Variants in TTC23 observed in about 807,000 individuals in gnomAD.
The protein encoded by TTC23 is tetratricopeptide repeat domain 23, also known as tetratricopeptide repeat protein 23.
Under a neutral mutation model 55.1 loss-of-function variants are expected in TTC23, and 58 were observed. The ratio of observed to expected loss-of-function variants is 1.05; its 90% CI spans 0.85 to 1.31. The LOEUF is 1.31. TTC23 is among the 50% of genes most tolerant of loss of function. The pLI, the probability that TTC23 is intolerant of heterozygous loss-of-function variation, is 0.00. For synonymous variants in TTC23, 203 were observed against 199.9 expected, an observed-to-expected ratio of 1.02 and a Z score of -0.13; for missense variants, 516 against 534.4, an observed-to-expected ratio of 0.97 and a Z score of 0.34.
At chr15:99,139,856 G>A in intron 12 of TTC23, 1 of 861,254 alleles carries the variant, frequency 1.2e-6, no homozygotes, top group South Asian at 1.6e-5. Flanking sequence ...TTAGTTATTA[G>A]GAACCAAATA....
intron 8 of TTC23, among the ~76,000 whole-genome samples, chr15:99,206,528 A>G (rs1236731185): frequency 2.0e-5 from 3 of 152,074 alleles, no homozygotes; most frequent in African/African-American, 7.2e-5. Context: ...TCATAGTTCA[A>G]CTGTAACAGG....
At chr15:99,239,330 CA>C (rs796515834) in intron 3 of TTC23, among the ~76,000 whole-genome samples, 10 of 152,040 alleles carry the variant, frequency 6.6e-5, no homozygotes, top group African/African-American at 2.4e-4. Flanking sequence ...ACTAAAAATA[CA>C]AAAATTAGCC....
chr15:99,180,454 A>G (rs8032154), intron 9 of TTC23, among the ~76,000 whole-genome samples: 67,893 of 152,022 alleles, frequency 0.45, 15,181 homozygotes, highest in Middle Eastern at 0.58. Flanking sequence ...GGGGGAAACC[A>G]CAGATTCCTC....
chr15:99,202,671 C>G (rs938081062), intron 8 of TTC23, among the ~76,000 whole-genome samples: 23 of 152,158 alleles, frequency 1.5e-4, no homozygotes, highest in African/African-American at 5.6e-4. Flanking sequence ...AAGTTAACAC[C>G]AGGTCACCTT....
At chr15:99,237,171 G>A (rs1033420540) in intron 3 of TTC23, among the ~76,000 whole-genome samples, 2 of 151,656 alleles carry the variant, frequency 1.3e-5, no homozygotes, top group Non-Finnish European at 2.9e-5. Flanking sequence ...TAGTAGAGAC[G>A]GGGTTTCACC....
intron 8 of TTC23, among the ~76,000 whole-genome samples, chr15:99,202,505 T>C (rs1361991890): frequency 6.6e-6 from 1 of 152,134 alleles, no homozygotes; most frequent in African/African-American, 2.4e-5. Context: ...AAGAAAACAA[T>C]AACAAGGCAT....
chr15:99,250,397 T>A (rs2152112846), upstream of TTC23, among the ~76,000 whole-genome samples: 1 of 152,312 alleles, frequency 6.6e-6, no homozygotes, highest in South Asian at 2.1e-4. Context: ...TCTCTATGAA[T>A]AATTAAGTCA....
chr15:99,188,003 G>A (rs927727151), intron 9 of TTC23, among the ~76,000 whole-genome samples: 25 of 151,998 alleles, frequency 1.6e-4, no homozygotes, highest in Admixed American at 1.6e-3. Context: ...TTATACCCAA[G>A]AGAAATAAAA....
intron 9 of TTC23, among the ~76,000 whole-genome samples, chr15:99,185,437 T>C (rs916736756): frequency 9.2e-5 from 14 of 152,084 alleles, no homozygotes; most frequent in Non-Finnish European, 1.8e-4. Flanking sequence ...ATTTTCTGGC[T>C]CCAAAGCTGT....
chr15:99,178,679 C>A (rs548282046), intron 9 of TTC23, among the ~76,000 whole-genome samples: 1 of 152,312 alleles, frequency 6.6e-6, no homozygotes, highest in African/African-American at 2.4e-5. Flanking sequence ...ACCCAGCTAA[C>A]TGACTTCCTA....
At chr15:99,227,082 G>C (rs1275257077) in intron 5 of TTC23, among the ~76,000 whole-genome samples, 1 of 152,192 alleles carries the variant, frequency 6.6e-6, no homozygotes, top group African/African-American at 2.4e-5. Context: ...GTTTGAGAAA[G>C]GCTGCCAGCC....
At chr15:99,191,680 T>C (rs1265687156) in intron 9 of TTC23, among the ~76,000 whole-genome samples, 2 of 152,188 alleles carry the variant, frequency 1.3e-5, no homozygotes, top group Non-Finnish European at 2.9e-5. Context: ...TTCTGTAAAT[T>C]GCCCAGTCTC....
intron 11 of TTC23, chr15:99,160,738 G>A (rs925089777): frequency 5.6e-5 from 8 of 142,506 alleles, no homozygotes; most frequent in African/African-American, 2.5e-4. Context: ...ACAGAGGCCG[G>A]GCGCAGTGGC....
Position 99,175,070 on chromosome 15 carries a change from G to GA in TTC23, c.844dup (p.Ser282PhefsTer8). ...CTCACCATGGTGCTCGTGTCTCCCT[G>GA]AAGCGACAGCAGCATGGGCGACGAT... On this transcript the variant is annotated frameshift_variant, in exon 10 of 14. Coordinates refer to ENST00000394132, the MANE Select transcript of TTC23 (RefSeq NM_001288615.3). LOFTEE classifies it high-confidence loss of function. 6.2e-7 allele frequency: 1 copy of GA among 1,614,150 alleles called. No individual in the cohort carries two copies. Among genetic ancestry groups the GA allele is most frequent in the African/African-American group, 1.3e-5 (1 of 75,050 alleles).
chr15:99,230,552 G>C (rs913993472), intron 4 of TTC23, among the ~76,000 whole-genome samples: 3 of 151,924 alleles, frequency 2.0e-5, no homozygotes, highest in African/African-American at 7.3e-5. Flanking sequence ...ACCAAATAAA[G>C]TCAAAACATC....
At chr15:99,248,103 G>A (rs1184162565) in intron 1 of TTC23, 2 of 152,088 alleles carry the variant, frequency 1.3e-5, no homozygotes, top group Non-Finnish European at 1.5e-5. Flanking sequence ...CAATGCTTTC[G>A]AAGACTACAA....
At chr15:99,157,636 G>A (rs2070793939) in intron 11 of TTC23, 1 of 152,128 alleles carries the variant, frequency 6.6e-6, no homozygotes. Flanking sequence ...CACACTCCAG[G>A]CTTGGCTATT....
intron 12 of TTC23, chr15:99,140,492 C>T (rs1555489823): frequency 6.6e-6 from 1 of 152,076 alleles, no homozygotes; most frequent in Non-Finnish European, 1.5e-5. Context: ...GCCTCAGCCT[C>T]CCGAGTAGCT....
chr15:99,142,361 AT>A lies in TTC23; in HGVS notation c.1144-2963del. 2.0e-5 allele frequency among the ~76,000 whole-genome samples: 3 copies of A among 152,248 alleles called. No homozygotes were observed. The South Asian group carries it at 6.2e-4, about 32-fold the overall frequency. On this transcript the variant is annotated intron_variant, in intron 12 of 13. Transcript: ENST00000394132. ...AACACTTCTTACCAGAATAGACTCT[AT>A]TTTGCCCAGAAATACCTTCACTCAG... is the stretch of plus-strand genomic sequence containing the variant.
Sources: allele counts gnomAD v4.1 joint callset (sites outside exome capture counted in the v4.1 genomes callset), GRCh38; gene constraint gnomAD v4.1.1; transcripts MANE v1.5; gene names NCBI Gene and HGNC (gene_info 2026-07-23, HGNC 2026-07-21).